CACNB2: variants seen among roughly 807,000 people sequenced by gnomAD.
CACNB2 encodes the protein voltage-dependent L-type calcium channel subunit beta-2.
CACNB2 carries 42 observed loss-of-function variants against 73.3 expected under a neutral mutation model. The observed-to-expected ratio is 0.57, with a 90% confidence interval of 0.45 to 0.74. The LOEUF is 0.74. Ranked by LOEUF, CACNB2 falls within the 30% of genes least tolerant of loss-of-function variation. The probability of loss-of-function intolerance (pLI) is 0.00; values close to 1 mark genes in which losing one functional copy is unlikely to be tolerated. For synonymous variants in CACNB2, 348 were observed against 310.3 expected, an observed-to-expected ratio of 1.12 and a Z score of -1.28; for missense variants, 940 against 853.0, an observed-to-expected ratio of 1.10 and a Z score of -1.27.
intron 2 of CACNB2, among the ~76,000 whole-genome samples, chr10:18,361,491 T>G (rs1458541498): frequency 7.9e-6 from 1 of 126,252 alleles, no homozygotes; most frequent in East Asian, 2.9e-4. Context: ...AAAGCAAGAC[T>G]CTATCTCAAA....
chr10:18,451,396 C>G (rs561966790), intron 3 of CACNB2, among the ~76,000 whole-genome samples: 1 of 152,160 alleles, frequency 6.6e-6, no homozygotes, highest in Non-Finnish European at 1.5e-5. Flanking sequence ...GGCCCCTGCT[C>G]TGTTTCAGAT....
At chr10:18,184,182 A>G (rs2034032118) in intron 2 of CACNB2, among the ~76,000 whole-genome samples, 2 of 152,214 alleles carry the variant, frequency 1.3e-5, no homozygotes, top group African/African-American at 4.8e-5. Flanking sequence ...TGATCAGTTT[A>G]TACTCATTGA....
At chr10:18,322,883 T>A (rs1187975978) in intron 2 of CACNB2, among the ~76,000 whole-genome samples, 1 of 151,996 alleles carries the variant, frequency 6.6e-6, no homozygotes, top group African/African-American at 2.4e-5. Flanking sequence ...TTAATTTTTT[T>A]TTTTTTGGAA....
At chr10:18,184,870 C>T (rs2034077216) in intron 2 of CACNB2, among the ~76,000 whole-genome samples, 1 of 152,030 alleles carries the variant, frequency 6.6e-6, no homozygotes, top group Non-Finnish European at 1.5e-5. Flanking sequence ...TCCTGATGCT[C>T]TCTCTGTTGC....
At chr10:18,215,580 A>G (rs941216792) in intron 2 of CACNB2, among the ~76,000 whole-genome samples, 4 of 152,240 alleles carry the variant, frequency 2.6e-5, no homozygotes, top group African/African-American at 7.2e-5. Context: ...CTCTTAAGAA[A>G]TAAAAATGAA....
Position 18,361,656 on chromosome 10 carries a change from C to T in CACNB2, c.214-40268C>T, listed in dbSNP as rs1036668128. 5.5e-5 allele frequency among the ~76,000 whole-genome samples: 8 copies of T among 146,738 alleles called. No homozygotes were observed. In the South Asian group the frequency reaches 6.4e-4, roughly 12 times the overall value. On this transcript the variant is annotated intron_variant, in intron 2 of 13. Transcript: ENST00000324631. ...GAAACATAGTCTTGCTCTATTGCTCCGGCTGGAGTGCAAGTGGCATGATCT... is the reference window on the plus strand; with the variant it reads ...GAAACATAGTCTTGCTCTATTGCTCTGGCTGGAGTGCAAGTGGCATGATCT...
At chr10:18,403,789 G>A (rs186939165) in intron 3 of CACNB2, among the ~76,000 whole-genome samples, 1 of 151,522 alleles carries the variant, frequency 6.6e-6, no homozygotes, top group East Asian at 1.9e-4. Flanking sequence ...TAAAACAAAG[G>A]CAAAATAATT....
intron 2 of CACNB2, among the ~76,000 whole-genome samples, chr10:18,271,579 A>G (rs1434953477): frequency 6.6e-6 from 1 of 152,170 alleles, no homozygotes; most frequent in Non-Finnish European, 1.5e-5. Flanking sequence ...TCTTTATCAT[A>G]TATAAAACAA....
chr10:18,174,332 TTTTC>T (rs768360629), intron 2 of CACNB2, among the ~76,000 whole-genome samples: 23 of 140,852 alleles, frequency 1.6e-4, no homozygotes, highest in Non-Finnish European at 2.3e-4. Flanking sequence ...CCCTCTTTTC[TTTTC>T]TTTCTTTCTT....
chr10:18,260,859 A>G (rs2037503523), intron 2 of CACNB2: 1 of 1,084,626 alleles, frequency 9.2e-7, no homozygotes. Context: ...CGCGAAATGC[A>G]AGACACTCAG....
chr10:18,150,880 TAGTC>T lies in CACNB2; in HGVS notation c.121-1_123del. ...CTTTTTTTTTTTTTTTTTTTTTTTT[TAGTC>T]ATATGGAAAAGGAGCCAGAAGGAAA... On this transcript the variant is annotated splice_acceptor_variant and coding_sequence_variant, in exon 2 of 14. Transcript: ENST00000324631. LOFTEE classifies it high-confidence loss of function. 6.9e-6 allele frequency: 9 copies of T among 1,300,350 alleles called. No homozygotes were observed. Among genetic ancestry groups the T allele is most frequent in the Admixed American group, 6.5e-5 (3 of 46,082 alleles). The allele number at this position is 1,300,350 out of a possible 1,614,324, so 80.6% of individuals were successfully genotyped here. A position where few individuals can be genotyped will look rare whatever the true frequency, so the allele number is the denominator to read the frequency against.
intron 2 of CACNB2, among the ~76,000 whole-genome samples, chr10:18,232,830 G>A (rs1325544651): frequency 6.6e-6 from 1 of 152,194 alleles, no homozygotes; most frequent in Non-Finnish European, 1.5e-5. Context: ...GCTCATGCCT[G>A]TAATCCCGGC....
intron 2 of CACNB2, among the ~76,000 whole-genome samples, chr10:18,337,852 A>G (rs2041068688): frequency 6.6e-6 from 1 of 152,226 alleles, no homozygotes; most frequent in South Asian, 2.1e-4. Context: ...AAGGTGTACA[A>G]CATGATGTTT....
intron 3 of CACNB2, among the ~76,000 whole-genome samples, chr10:18,443,527 C>T (rs2046580101): frequency 1.3e-5 from 2 of 152,014 alleles, no homozygotes; most frequent in South Asian, 4.1e-4. Context: ...AGACCCAACT[C>T]CTCAGATTGT....
chr10:18,436,969 CAAT>C (rs1486477622), intron 3 of CACNB2, among the ~76,000 whole-genome samples: 2 of 152,164 alleles, frequency 1.3e-5, no homozygotes, highest in East Asian at 3.9e-4. Flanking sequence ...TTTTGAACAA[CAAT>C]GTGCTGCTTG....
intron 2 of CACNB2, among the ~76,000 whole-genome samples, chr10:18,202,344 T>G (rs2034917001): frequency 6.6e-6 from 1 of 152,224 alleles, no homozygotes; most frequent in Non-Finnish European, 1.5e-5. Context: ...AATTTCTAGT[T>G]TCTTCTCTGG....
chr10:18,145,907 T>C (rs1326979610), intron 1 of CACNB2, among the ~76,000 whole-genome samples: 1 of 152,182 alleles, frequency 6.6e-6, no homozygotes, highest in East Asian at 1.9e-4. Context: ...CTGCTCTCCC[T>C]GCCTGTGCTC....
intron 2 of CACNB2, among the ~76,000 whole-genome samples, chr10:18,221,961 C>G (rs1490493848): frequency 2.0e-5 from 3 of 152,158 alleles, no homozygotes; most frequent in Non-Finnish European, 2.9e-5. Context: ...ATCTACTACA[C>G]AAAGGAGGGA....
In CACNB2 at chr10:18,251,513, G is replaced by C. The variant is rs905499317; in HGVS notation, c.213+100538G>C. ...TCCACCCACCTCGGCCTCCCAAAGT[G>C]CTGAGATTACAGGCGTGGGCCACCA... is the stretch of plus-strand genomic sequence containing the variant. On this transcript the variant is annotated intron_variant, in intron 2 of 13. Transcript: ENST00000324631. Among the ~76,000 whole-genome samples, 7 of 152,306 alleles carry C rather than the reference G, an allele frequency of 4.6e-5. 1 individual carries two copies.
Sources: gnomAD v4.1 joint callset for allele counts (sites outside exome capture counted in the v4.1 genomes callset) on GRCh38, gnomAD v4.1.1 for gene constraint, MANE v1.5 for transcripts, NCBI Gene and HGNC (gene_info 2026-07-23, HGNC 2026-07-21) for gene names.